The following PTPA variants were observed in gnomAD, a reference collection of about 807,000 sequenced individuals.
PTPA encodes serine/threonine-protein phosphatase 2A activator.
A neutral mutation model predicts 43.6 loss-of-function variants in PTPA; 13 were observed. That is an observed-to-expected ratio of 0.30 (90% CI 0.19 to 0.47). The LOEUF (loss-of-function observed/expected upper bound fraction) is 0.47, where lower values mean the gene tolerates loss of function less well. Among genes scored for constraint, PTPA ranks in the 20% least tolerant of loss-of-function variants. The pLI, the probability that PTPA is intolerant of heterozygous loss-of-function variation, is 0.99. For missense variants in PTPA, 329 were observed against 411.9 expected (o/e 0.80, Z 1.74); for synonymous variants, 172 against 158.2 (o/e 1.09, Z -0.66).
intron 2 of PTPA, among the ~76,000 whole-genome samples, chr9:129,121,236 C>T (rs538544086): frequency 1.4e-4 from 22 of 152,292 alleles, no homozygotes; most frequent in African/African-American, 5.1e-4. Flanking sequence ...CTCCTGCTCC[C>T]GGCCTGGTGA....
intron 1 of PTPA, 44 bp from the exon 2 acceptor site, chr9:129,120,469 A>C: frequency 3.0e-5 from 39 of 1,283,938 alleles, no homozygotes; most frequent in Non-Finnish European, 4.2e-5. Context: ...GTTGTAGGGG[A>C]GGATTCTATT....
At chr9:129,133,826 G>T (rs1850154646) in intron 5 of PTPA, among the ~76,000 whole-genome samples, 1 of 152,168 alleles carries the variant, frequency 6.6e-6, no homozygotes, top group African/African-American at 2.4e-5. Flanking sequence ...CGACATACTG[G>T]CCTCCTTAGT....
chr9:129,146,392 T>G (rs1851304382), intron 9 of PTPA, among the ~76,000 whole-genome samples: 1 of 152,128 alleles, frequency 6.6e-6, no homozygotes. Flanking sequence ...CACAGCTGAT[T>G]TTTGAGGAGA....
chr9:129,122,999 C>CGG, intron 2 of PTPA, 53 bp from the exon 3 acceptor site: 1 of 1,325,804 alleles, frequency 7.5e-7, no homozygotes, highest in East Asian at 2.5e-5. Flanking sequence ...GCAGGTGGGG[C>CGG]GGGGGGGTCT....
In PTPA at chr9:129,128,937, G is replaced by A. The variant is rs780675163; in HGVS notation, c.217-48G>A. On this transcript the variant is annotated intron_variant, in intron 3 of 9. Coordinates refer to ENST00000393370, the MANE Select transcript of PTPA (RefSeq NM_178000.3). ...AGTGGACTTCCCTCTGTGGCTAAGCGGGAGCCACTTGCTCTGTAGCTTGGA... is the reference window on the plus strand; with the variant it reads ...AGTGGACTTCCCTCTGTGGCTAAGCAGGAGCCACTTGCTCTGTAGCTTGGA... 1.9e-5 allele frequency: 31 copies of A among 1,605,810 alleles called. No individual in the cohort carries two copies. The Middle Eastern group carries it at 8.0e-4, about 42-fold the overall frequency.
At chr9:129,123,786 C>T (rs143254378) in intron 3 of PTPA, among the ~76,000 whole-genome samples, 9,315 of 151,900 alleles carry the variant, frequency 0.061, 915 homozygotes, top group African/African-American at 0.21. Context: ...TGGGTTCAAG[C>T]GATTCTCCTG....
chr9:129,136,410 G>GA, intron 6 of PTPA, 61 bp from the exon 7 acceptor site: 4 of 1,526,214 alleles, frequency 2.6e-6, no homozygotes, highest in Non-Finnish European at 2.7e-6. Context: ...CCCAGTGGCC[G>GA]AAAGGGTGAG....
At chr9:129,145,577 A>G (rs1025957524) in intron 9 of PTPA, among the ~76,000 whole-genome samples, 7 of 152,104 alleles carry the variant, frequency 4.6e-5, no homozygotes, top group East Asian at 3.9e-4. Context: ...GAACTGGTTG[A>G]TTGAGGGGAG....
intron 9 of PTPA, chr9:129,143,313 C>T (rs1189504682): frequency 1.4e-6 from 1 of 703,034 alleles, no homozygotes; most frequent in Non-Finnish European, 2.6e-6. Context: ...CAGGGAAGGG[C>T]TGGATGTGAA....
chr9:129,136,392 C>T, intron 6 of PTPA, 79 bp from the exon 7 acceptor site: 1 of 1,473,142 alleles, frequency 6.8e-7, no homozygotes, highest in Non-Finnish European at 9.2e-7. Context: ...TTGGGGTCTC[C>T]TTGTGCTCCC....
chr9:129,131,248 A>T (rs142472744), intron 4 of PTPA, among the ~76,000 whole-genome samples: 1 of 152,302 alleles, frequency 6.6e-6, no homozygotes, highest in African/African-American at 2.4e-5. Flanking sequence ...GAGTTACCAC[A>T]TGGGAGGGTT....
At chr9:129,126,081 G>A (rs899415580) in intron 3 of PTPA, among the ~76,000 whole-genome samples, 12 of 152,076 alleles carry the variant, frequency 7.9e-5, no homozygotes, top group African/African-American at 2.7e-4. Context: ...CCCGGGAGGC[G>A]GAGGTTGCAG....
intron 3 of PTPA, among the ~76,000 whole-genome samples, chr9:129,126,858 C>A (rs565055993): frequency 7.2e-5 from 11 of 152,256 alleles, no homozygotes; most frequent in African/African-American, 2.6e-4. Flanking sequence ...TTGAATTATT[C>A]ATTGGCCCAG....
chr9:129,145,036 G>A (rs1851203484), intron 9 of PTPA, among the ~76,000 whole-genome samples: 1 of 143,818 alleles, frequency 7.0e-6, no homozygotes, highest in Non-Finnish European at 1.5e-5. Flanking sequence ...CCGTCTCAAA[G>A]AAAAAAATCA....
chr9:129,128,325 C>T (rs536344324), intron 3 of PTPA, among the ~76,000 whole-genome samples: 42 of 152,140 alleles, frequency 2.8e-4, no homozygotes, highest in Non-Finnish European at 5.0e-4. Context: ...CACTTGAGGT[C>T]GGGAGTTTGA....
upstream of PTPA, chr9:129,111,022 A>G: frequency 7.3e-7 from 1 of 1,369,844 alleles, no homozygotes; most frequent in Non-Finnish European, 9.8e-7. Context: ...ATGTCTTCTA[A>G]GCTGTTGGAG....
At chr9:129,114,129 T>G (rs1389235024) in intron 1 of PTPA, among the ~76,000 whole-genome samples, 2 of 152,060 alleles carry the variant, frequency 1.3e-5, no homozygotes, top group African/African-American at 4.8e-5. Flanking sequence ...CCTGAGTTCA[T>G]GCGATTCTCG....
chr9:129,121,390 C>G (rs1174692114), intron 2 of PTPA, among the ~76,000 whole-genome samples: 1 of 152,194 alleles, frequency 6.6e-6, no homozygotes, highest in African/African-American at 2.4e-5. Context: ...TGTCTGATTC[C>G]TTTTTCACAA....
At chr9:129,124,897 A>G (rs775956052) in intron 3 of PTPA, among the ~76,000 whole-genome samples, 2 of 152,100 alleles carry the variant, frequency 1.3e-5, no homozygotes, top group Admixed American at 6.5e-5. Context: ...AGAGCTGCCT[A>G]TTGCTGGGCC....
Sources: gnomAD v4.1 joint callset for allele counts (sites outside exome capture counted in the v4.1 genomes callset) on GRCh38, gnomAD v4.1.1 for gene constraint, MANE v1.5 for transcripts, NCBI Gene and HGNC (gene_info 2026-07-23, HGNC 2026-07-21) for gene names.